Variants in COG6 observed in about 807,000 individuals in gnomAD.
COG6 encodes component of oligomeric golgi complex 6.
In COG6, 74 loss-of-function variants were observed where a neutral mutation model predicts 88.8. The ratio of observed to expected loss-of-function variants is 0.83; its 90% CI spans 0.69 to 1.01. The LOEUF (loss-of-function observed/expected upper bound fraction) is 1.01, where lower values mean the gene tolerates loss of function less well. COG6 is among the 50% of genes least tolerant of loss of function. COG6 has a pLI of 0.00. For synonymous variants in COG6, 286 were observed against 278.7 expected (o/e 1.03, Z -0.26); for missense variants, 800 against 797.9 (o/e 1.00, Z -0.03).
chr13:39,694,654 A>G lies in COG6; in HGVS notation c.1095A>G (p.Ile365Met), dbSNP rs1437308619. The G allele has an allele frequency of 6.3e-7, 1 of 1,597,182 alleles. No individual in the cohort carries two copies. Among genetic ancestry groups the G allele is most frequent in the Non-Finnish European group, 8.6e-7 (1 of 1,166,398 alleles). Reference sequence around the variant, plus strand: ...AATAGGTTCGAATTGAGCAAGTAATAGTTGCTGAACCTGGGGCAGTTTTAT... The same window carrying G: ...AATAGGTTCGAATTGAGCAAGTAATGGTTGCTGAACCTGGGGCAGTTTTAT... ...RPLKVRIEQV[I>M]VAEPGAVLLY... The change falls in exon 12 of 19, where the codon ATA (isoleucine) becomes ATG (methionine). Residue 365 changes from isoleucine to methionine, a missense_variant. Physicochemically the swap from Ile to Met is conservative, Grantham distance 10. Coordinates refer to ENST00000455146, the MANE Select transcript of COG6 (RefSeq NM_020751.3).
intron 15 of COG6, among the ~76,000 whole-genome samples, chr13:39,721,691 C>T (rs1878858125): frequency 6.6e-6 from 1 of 152,242 alleles, no homozygotes; most frequent in Admixed American, 6.5e-5. Flanking sequence ...CACGTTTCTC[C>T]AAAGTAACAA....
At chr13:39,719,587 C>A in intron 14 of COG6, 73 bp from the exon 15 acceptor site, 3 of 1,405,042 alleles carry the variant, frequency 2.1e-6, no homozygotes, top group Non-Finnish European at 2.0e-6. Flanking sequence ...ATTAGTTTGG[C>A]ATTAAATATC....
At chr13:39,691,665 C>G (rs1463865906) in intron 11 of COG6, among the ~76,000 whole-genome samples, 1 of 151,758 alleles carries the variant, frequency 6.6e-6, no homozygotes, top group East Asian at 1.9e-4. Flanking sequence ...GACAGTGTTA[C>G]AGTATTTTAA....
At chr13:39,720,430 A>C (rs1878791703) in intron 15 of COG6, among the ~76,000 whole-genome samples, 1 of 152,096 alleles carries the variant, frequency 6.6e-6, no homozygotes, top group African/African-American at 2.4e-5. Context: ...TGGTAAATAT[A>C]CTGTTTTTTA....
intron 8 of COG6, among the ~76,000 whole-genome samples, chr13:39,685,271 T>C (rs1190024021): frequency 9.9e-5 from 15 of 152,180 alleles, no homozygotes; most frequent in Admixed American, 9.8e-4. Context: ...TTGATTATTG[T>C]TGGAAGAATG....
intron 13 of COG6, among the ~76,000 whole-genome samples, chr13:39,703,712 T>G (rs1053288556): frequency 6.6e-5 from 10 of 152,020 alleles, no homozygotes; most frequent in African/African-American, 2.2e-4. Context: ...TTTAATACAT[T>G]TATTTAGATG....
At chr13:39,724,413 C>T in intron 16 of COG6, 95 bp from the exon 17 acceptor site, 2 of 911,948 alleles carry the variant, frequency 2.2e-6, no homozygotes, top group African/African-American at 1.7e-5. Flanking sequence ...CAAATTTGGG[C>T]AGTGCACTAA....
intron 4 of COG6, 28 bp downstream of exon 4, chr13:39,665,182 T>C (rs376629502): frequency 1.3e-5 from 16 of 1,242,956 alleles, no homozygotes; most frequent in Non-Finnish European, 1.8e-5. Flanking sequence ...CAACCACCTT[T>C]TCAATAATTT....
intron 13 of COG6, among the ~76,000 whole-genome samples, chr13:39,714,888 C>T (rs971305433): frequency 4.6e-5 from 7 of 152,000 alleles, no homozygotes; most frequent in South Asian, 4.1e-4. Context: ...ACTAATCAGT[C>T]GATAAAGAAA....
chr13:39,717,949 T>G (rs1878620913), intron 13 of COG6, among the ~76,000 whole-genome samples: 1 of 152,174 alleles, frequency 6.6e-6, no homozygotes, highest in African/African-American at 2.4e-5. Flanking sequence ...TTGGTTGTAT[T>G]TTATTATTCC....
At position 39,706,255 on chromosome 13, in the gene COG6, T is replaced by TTATATATATATATATACTCCTTTATA. The variant is rs1877902463; in HGVS notation, c.1284+6653_1284+6654insCTCCTTTATATATATATATATATATA. Among the ~76,000 whole-genome samples, 267 of 114,642 alleles carry TTATATATATATATATACTCCTTTATA rather than the reference T, an allele frequency of 2.3e-3. 5 individuals carry two copies. Among genetic ancestry groups the TTATATATATATATATACTCCTTTATA allele is most frequent in the African/African-American group, 8.4e-3 (257 of 30,768 alleles). 75.2% of individuals were successfully genotyped at this position (114,642 alleles called of 152,430 possible). A position where few individuals can be genotyped will look rare whatever the true frequency, so the allele number is the denominator to read the frequency against. Reference sequence around the variant, plus strand: ...CTCCTTTATATATATATATACTCCTTTATATATATATATATATATATATTT... The same window carrying TTATATATATATATATACTCCTTTATA: ...CTCCTTTATATATATATATACTCCTTTATATATATATATATACTCCTTTATATATATATATATATATATATATATTT... On this transcript the variant is annotated intron_variant, in intron 13 of 18. Coordinates refer to ENST00000455146, the MANE Select transcript of COG6 (RefSeq NM_020751.3).
intron 12 of COG6, among the ~76,000 whole-genome samples, chr13:39,695,387 A>T (rs1022430927): frequency 6.6e-6 from 1 of 151,894 alleles, no homozygotes; most frequent in Non-Finnish European, 1.5e-5. Flanking sequence ...GAGTTTTATT[A>T]TAACTCTCAC....
intron 18 of COG6, among the ~76,000 whole-genome samples, chr13:39,747,873 CAATACTACATTTACAAGTTA>C (rs1240992685): frequency 2.0e-5 from 3 of 152,288 alleles, no homozygotes; most frequent in Admixed American, 6.5e-5. Flanking sequence ...GAAGTTTCAA[CAATACTACATTTACAAGTTA>C]AATACTACAT....
intron 13 of COG6, among the ~76,000 whole-genome samples, chr13:39,718,121 T>G (rs887093211): frequency 6.0e-4 from 91 of 152,142 alleles, no homozygotes; most frequent in Non-Finnish European, 7.4e-5. Flanking sequence ...TCTGTTGAGG[T>G]GTTTTTCTGT....
chr13:39,768,683 C>A (rs4338665), intron 18 of COG6, among the ~76,000 whole-genome samples: 63,507 of 151,860 alleles, frequency 0.42, 13,645 homozygotes, highest in Admixed American at 0.57. Context: ...GGTAACTTTT[C>A]ATAAGAAAGT....
rs186219923 is a variant in COG6, at chr13:39,681,223, C to T, written c.695-948C>T. Among the ~76,000 whole-genome samples the T allele has an allele frequency of 1.3e-3, 195 of 152,280 alleles. 2 individuals carry two copies. The highest frequency in any genetic ancestry group is 4.4e-3 in the African/African-American group (182 of 41,554). Reference sequence around the variant, plus strand: ...AACCAGCTACTCCTGTACTATGCTGCGCAAATGGAATTCTCTGATCTGGTT... The same window carrying T: ...AACCAGCTACTCCTGTACTATGCTGTGCAAATGGAATTCTCTGATCTGGTT... On this transcript the variant is annotated intron_variant, in intron 7 of 18. Coordinates refer to ENST00000455146, the MANE Select transcript of COG6 (RefSeq NM_020751.3).
chr13:39,757,165 TAATAAC>T (rs1012651869), downstream of COG6, among the ~76,000 whole-genome samples: 2 of 152,098 alleles, frequency 1.3e-5, no homozygotes, highest in African/African-American at 4.8e-5. Flanking sequence ...CATTGTAAAT[TAATAAC>T]AAAAGGAAAT....
At chr13:39,736,254 A>G (rs1260513973) in intron 18 of COG6, among the ~76,000 whole-genome samples, 1 of 151,460 alleles carries the variant, frequency 6.6e-6, no homozygotes. Context: ...CTTCAAGCTC[A>G]GTAGTTCTTT....
chr13:39,783,916 G>C (rs1231687148), intron 18 of COG6, among the ~76,000 whole-genome samples: 1 of 152,096 alleles, frequency 6.6e-6, no homozygotes, highest in African/African-American at 2.4e-5. Context: ...ATAACCTGAA[G>C]GCAAGTGAGA....
Sources: allele counts gnomAD v4.1 joint callset (sites outside exome capture counted in the v4.1 genomes callset), GRCh38; gene constraint gnomAD v4.1.1; transcripts MANE v1.5; gene names NCBI Gene and HGNC (gene_info 2026-07-23, HGNC 2026-07-21).